The following UNC13C variants were observed in gnomAD, a reference collection of about 807,000 sequenced individuals.
UNC13C encodes the protein protein unc-13 homolog C.
A neutral mutation model predicts 245.4 loss-of-function variants in UNC13C; 174 were observed. That is an observed-to-expected ratio of 0.71 (90% CI 0.63 to 0.80). The LOEUF (loss-of-function observed/expected upper bound fraction) is 0.80. Among genes scored for constraint, UNC13C ranks in the 30% least tolerant of loss-of-function variants. UNC13C has a pLI of 0.00. For missense variants in UNC13C, 2,829 were observed against 2,602.9 expected, an observed-to-expected ratio of 1.09 and a Z score of -1.89; for synonymous variants, 992 against 895.1, an observed-to-expected ratio of 1.11 and a Z score of -1.93.
intron 10 of UNC13C, among the ~76,000 whole-genome samples, chr15:54,280,729 T>C (rs200145932): frequency 1.5e-5 from 1 of 65,756 alleles, no homozygotes; most frequent in African/African-American, 1.4e-4. Flanking sequence ...TATAAACATA[T>C]GTATACATAC....
chr15:54,599,175 ATAT>A (rs1378933454), intron 30 of UNC13C, among the ~76,000 whole-genome samples: 1 of 152,080 alleles, frequency 6.6e-6, no homozygotes, highest in Non-Finnish European at 1.5e-5. Context: ...AGGTAGAGAA[ATAT>A]TATCATTCCC....
chr15:54,443,969 T>C (rs1036520868), intron 19 of UNC13C, among the ~76,000 whole-genome samples: 2 of 152,000 alleles, frequency 1.3e-5, no homozygotes, highest in Non-Finnish European at 2.9e-5. Context: ...TAATTTTCTG[T>C]CTAGATGATC....
At chr15:54,135,725 G>A (rs547495971) in intron 2 of UNC13C, among the ~76,000 whole-genome samples, 1 of 152,060 alleles carries the variant, frequency 6.6e-6, no homozygotes, top group East Asian at 1.9e-4. Flanking sequence ...GCTTGAAATC[G>A]GGACAAATCA....
At chr15:54,340,072 G>C (rs2096190057) in intron 17 of UNC13C, among the ~76,000 whole-genome samples, 1 of 152,032 alleles carries the variant, frequency 6.6e-6, no homozygotes, top group African/African-American at 2.4e-5. Context: ...GTATTTGTTG[G>C]CCATTTGTAT....
At chr15:53,950,612 A>G in the UNC13C span, among the ~76,000 whole-genome samples, 1 of 152,174 alleles carries the variant, frequency 6.6e-6, no homozygotes, top group Non-Finnish European at 1.5e-5. Context: ...ATTTTAGATT[A>G]CATGCAGTAG....
intron 26 of UNC13C, among the ~76,000 whole-genome samples, chr15:54,533,374 A>G (rs1267843483): frequency 2.0e-5 from 3 of 152,210 alleles, no homozygotes; most frequent in Non-Finnish European, 1.5e-5. Context: ...CTTGGATACC[A>G]TATTGTTTTC....
chr15:54,228,501 C>T (rs1452977261), intron 4 of UNC13C, among the ~76,000 whole-genome samples: 3 of 152,134 alleles, frequency 2.0e-5, no homozygotes, highest in African/African-American at 7.2e-5. Context: ...TCACCCAAGG[C>T]CCATGGCGAG....
intron 10 of UNC13C, among the ~76,000 whole-genome samples, chr15:54,292,177 T>C (rs2037315211): frequency 6.6e-6 from 1 of 152,036 alleles, no homozygotes; most frequent in Non-Finnish European, 1.5e-5. Context: ...GACATGCTAG[T>C]TCCTTTCCAG....
chr15:53,935,293 G>A, the UNC13C span, among the ~76,000 whole-genome samples: 2 of 152,016 alleles, frequency 1.3e-5, no homozygotes, highest in African/African-American at 4.8e-5. Flanking sequence ...GCATTTCTCA[G>A]TTCTTAGCTT....
chr15:53,926,868 T>A, the UNC13C span, among the ~76,000 whole-genome samples: 1 of 152,164 alleles, frequency 6.6e-6, no homozygotes, highest in African/African-American at 2.4e-5. Context: ...CTGCCAATAG[T>A]TTTCCGTGCC....
intron 4 of UNC13C, among the ~76,000 whole-genome samples, chr15:54,214,190 C>A (rs945428762): frequency 2.0e-5 from 3 of 151,812 alleles, no homozygotes; most frequent in African/African-American, 4.8e-5. Flanking sequence ...AATAATGAGA[C>A]AACAACGGAA....
At chr15:54,169,905 C>T (rs2033323991) in intron 4 of UNC13C, among the ~76,000 whole-genome samples, 2 of 151,900 alleles carry the variant, frequency 1.3e-5, no homozygotes, top group Non-Finnish European at 1.5e-5. Flanking sequence ...GTTTATGAAT[C>T]TATCTTTTAT....
rs757729278 is a variant in UNC13C at position 54,013,545 on chromosome 15, G to A, written c.642G>A (p.Leu214=). The part of the protein sequence containing the change: ...KKSWGIRSKS[L]DRTVRNPKTN... ...CCTGGGGAATAAGAAGTAAGTCTTTGGACAGAACTGTCCGAAACCCAAAGA... is the reference window on the plus strand; with the variant it reads ...CCTGGGGAATAAGAAGTAAGTCTTTAGACAGAACTGTCCGAAACCCAAAGA... Residue 214 remains leucine (L), a synonymous_variant, in exon 2 of 33, where the codon TTG becomes TTA. Coordinates refer to ENST00000260323, the MANE Select transcript of UNC13C (RefSeq NM_001080534.3). The A allele has an allele frequency of 6.2e-7, 1 of 1,613,858 alleles. No homozygotes were observed. The highest frequency in any genetic ancestry group is 8.5e-7 in the Non-Finnish European group (1 of 1,179,848).
chr15:53,923,273 A>T, the UNC13C span, among the ~76,000 whole-genome samples: 1 of 152,226 alleles, frequency 6.6e-6, no homozygotes, highest in Non-Finnish European at 1.5e-5. Context: ...TGTGATGTAT[A>T]CAAGACTGAC....
chr15:53,979,708 C>T (rs747165567), intron 1 of UNC13C, among the ~76,000 whole-genome samples: 38 of 152,196 alleles, frequency 2.5e-4, no homozygotes, highest in Non-Finnish European at 4.6e-4. Context: ...CCTCGTTAGG[C>T]TTTTAAGGAA....
intron 4 of UNC13C, among the ~76,000 whole-genome samples, chr15:54,187,393 A>G (rs572793363): frequency 1.3e-5 from 2 of 152,176 alleles, no homozygotes; most frequent in South Asian, 4.2e-4. Flanking sequence ...TTCTTTAATA[A>G]CTTTCCATTG....
intron 14 of UNC13C, among the ~76,000 whole-genome samples, chr15:54,325,047 T>C (rs375526406): frequency 6.6e-6 from 1 of 152,036 alleles, no homozygotes; most frequent in Non-Finnish European, 1.5e-5. Flanking sequence ...TTTTCTATTG[T>C]GGCTCATGGA....
intron 4 of UNC13C, among the ~76,000 whole-genome samples, chr15:54,192,663 A>T (rs1338297437): frequency 2.0e-5 from 3 of 152,070 alleles, no homozygotes; most frequent in Non-Finnish European, 4.4e-5. Flanking sequence ...CCAAATAATT[A>T]TTGGTTTTAT....
chr15:53,980,403 C>G (rs1358090397), intron 1 of UNC13C, among the ~76,000 whole-genome samples: 1 of 152,092 alleles, frequency 6.6e-6, no homozygotes, highest in Admixed American at 6.5e-5. Flanking sequence ...TTGTGTGTTT[C>G]TTCTATGTTG....
Sources: gnomAD v4.1 joint callset for allele counts (sites outside exome capture counted in the v4.1 genomes callset) on GRCh38, gnomAD v4.1.1 for gene constraint, MANE v1.5 for transcripts, NCBI Gene and HGNC (gene_info 2026-07-23, HGNC 2026-07-21) for gene names.